Variants in PHACTR2 observed in about 807,000 individuals in gnomAD.
PHACTR2 encodes chromosome 6 open reading frame 56.
A neutral mutation model predicts 76.0 loss-of-function variants in PHACTR2; 30 were observed. The ratio of observed to expected loss-of-function variants is 0.39; its 90% CI spans 0.30 to 0.54. The LOEUF is 0.54. Ranked by LOEUF, PHACTR2 falls within the 20% of genes least tolerant of loss-of-function variation. The pLI, the probability that PHACTR2 is intolerant of heterozygous loss-of-function variation, is 0.61. For synonymous variants in PHACTR2, 292 were observed against 292.5 expected (o/e 1.00, Z 0.02); for missense variants, 696 against 781.1 (o/e 0.89, Z 1.30).
chr6:143,661,084 G>C (rs551450419), intron 1 of PHACTR2, among the ~76,000 whole-genome samples: 1 of 152,116 alleles, frequency 6.6e-6, no homozygotes, highest in South Asian at 2.1e-4. Flanking sequence ...CATAAATAAT[G>C]GAATACAAGT....
Position 143,583,195 on chromosome 6 carries a change from G to C in PHACTR2, c.217+45988G>C, listed in dbSNP as rs1440415206. ...GTGAATTCACCATGGCCACGGTAGT[G>C]ATAAAGAGCATTCCTCCACAATCCG... On this transcript the variant is annotated intron_variant, in intron 1 of 11. Transcript: ENST00000367584. The surrounding 1 kb of genome is among the most constrained non-coding windows in gnomAD (Gnocchi z 4.0). Among the ~76,000 whole-genome samples, 1 of 152,188 alleles carries C rather than the reference G, an allele frequency of 6.6e-6. No homozygotes were observed. Among genetic ancestry groups the C allele is most frequent in the Non-Finnish European group, 1.5e-5 (1 of 68,034 alleles).
chr6:143,716,727 A>G (rs998745547), intron 2 of PHACTR2, among the ~76,000 whole-genome samples: 1 of 152,184 alleles, frequency 6.6e-6, no homozygotes, highest in Non-Finnish European at 1.5e-5. Flanking sequence ...GAAACTTGCT[A>G]TATAAAGTGG....
chr6:143,678,871 C>CT lies in PHACTR2; in HGVS notation c.46+668dup, dbSNP rs1238958046. The stretch of plus-strand genomic sequence containing the variant: ...TTCTAATGCTCTGTTTTAAAAGTTT[C>CT]TTTTTTCCATTTTCTTAAACAAAAA... On this transcript the variant is annotated intron_variant, in intron 1 of 12. Coordinates refer to ENST00000440869, the MANE Select transcript of PHACTR2 (RefSeq NM_001100164.2). This position sits in a 1 kb window ranked among gnomAD's most constrained non-coding sequence, Gnocchi z 6.2. 1.3e-5 allele frequency among the ~76,000 whole-genome samples: 2 copies of CT among 150,788 alleles called. No homozygotes were observed. Among genetic ancestry groups the CT allele is most frequent in the Non-Finnish European group, 3.0e-5 (2 of 67,792 alleles).
At chr6:143,681,478 A>G (rs1777387504) in intron 1 of PHACTR2, among the ~76,000 whole-genome samples, 1 of 151,750 alleles carries the variant, frequency 6.6e-6, no homozygotes, top group Non-Finnish European at 1.5e-5. Context: ...TTCTTTGTAT[A>G]CTAGATCCAA....
Position 143,682,486 on chromosome 6 carries a change from G to T in PHACTR2, c.46+4277G>T, listed in dbSNP as rs539720273. ...CACCTGGGCCTTCCAATATTGCAGG[G>T]ATTATAGGCATGAGCCACCATGCCT... On this transcript the variant is annotated intron_variant, in intron 1 of 12. Transcript: ENST00000440869. Among the ~76,000 whole-genome samples, 140 of 152,104 alleles carry T rather than the reference G, an allele frequency of 9.2e-4. 1 individual carries two copies. The highest frequency in any genetic ancestry group is 3.1e-3 in the African/African-American group (129 of 41,484).
chr6:143,790,496 T>G (rs1237657794), intron 11 of PHACTR2, among the ~76,000 whole-genome samples: 1 of 152,140 alleles, frequency 6.6e-6, no homozygotes, highest in Admixed American at 6.5e-5. Context: ...GCTTTTACTT[T>G]GCCTTTCGTT....
chr6:143,810,396 A>G (rs939362685), intron 12 of PHACTR2, among the ~76,000 whole-genome samples: 1 of 152,214 alleles, frequency 6.6e-6, no homozygotes, highest in African/African-American at 2.4e-5. Flanking sequence ...TCCTCCAAAA[A>G]GAGCACTTAG....
At chr6:143,802,159 T>G (rs1472926233) in intron 11 of PHACTR2, among the ~76,000 whole-genome samples, 3 of 152,206 alleles carry the variant, frequency 2.0e-5, no homozygotes, top group Non-Finnish European at 4.4e-5. Flanking sequence ...ATTCTCATGA[T>G]GCCAAAATGA....
Position 143,729,658 on chromosome 6 carries a change from A to G in PHACTR2, c.214+17475A>G, listed in dbSNP as rs529373165. 9.2e-5 allele frequency among the ~76,000 whole-genome samples: 14 copies of G among 152,186 alleles called. No individual in the cohort carries two copies. The South Asian group carries it at 2.9e-3, about 32-fold the overall frequency. ...CAATAAGCATATATTGTTCTTCCACATATTCTCTTTGGTAAAAGTCTTTTG... is the reference window on the plus strand; with the variant it reads ...CAATAAGCATATATTGTTCTTCCACGTATTCTCTTTGGTAAAAGTCTTTTG... On this transcript the variant is annotated intron_variant, in intron 2 of 12. Transcript: ENST00000440869.
rs975064813 is a variant in PHACTR2 at position 143,683,081 on chromosome 6, G to A, written c.46+4872G>A. ...ATCCTTTTTGTATGTTGCTGGGTTA[G>A]GTTTACAAAAGTATTTTACTGAGAA... On this transcript the variant is annotated intron_variant, in intron 1 of 12. Coordinates refer to ENST00000440869, the MANE Select transcript of PHACTR2 (RefSeq NM_001100164.2). The surrounding 1 kb of genome is among the most constrained non-coding windows in gnomAD (Gnocchi z 4.1). Among the ~76,000 whole-genome samples, 1 of 152,060 alleles carries A rather than the reference G, an allele frequency of 6.6e-6. No individual in the cohort carries two copies. The highest frequency in any genetic ancestry group is 1.5e-5 in the Non-Finnish European group (1 of 68,022).
At chr6:143,568,525 T>C (rs1343286931) in intron 1 of PHACTR2, among the ~76,000 whole-genome samples, 2 of 152,170 alleles carry the variant, frequency 1.3e-5, no homozygotes, top group African/African-American at 4.8e-5. Flanking sequence ...AGCTGCTGGC[T>C]CAGGGTAGGG....
chr6:143,788,668 T>G (rs1582882107), intron 10 of PHACTR2, 105 bp from the exon 11 acceptor site: 13 of 703,372 alleles, frequency 1.8e-5, no homozygotes, highest in South Asian at 4.1e-5. Flanking sequence ...GATCTGAAAG[T>G]GACCTTATTT....
intron 1 of PHACTR2, among the ~76,000 whole-genome samples, chr6:143,560,149 A>G (rs1349880059): frequency 6.6e-6 from 1 of 152,196 alleles, no homozygotes; most frequent in Non-Finnish European, 1.5e-5. Flanking sequence ...CATTTTTAGT[A>G]ATAATTGTAT....
At chr6:143,716,902 A>G (rs1282980537) in intron 2 of PHACTR2, among the ~76,000 whole-genome samples, 1 of 151,050 alleles carries the variant, frequency 6.6e-6, no homozygotes, top group Non-Finnish European at 1.5e-5. Flanking sequence ...CTGGGGACAT[A>G]GGTGGGCAGA....
At chr6:143,771,529 C>T (rs575781935) in intron 6 of PHACTR2, among the ~76,000 whole-genome samples, 63 of 151,712 alleles carry the variant, frequency 4.2e-4, no homozygotes, top group South Asian at 1.5e-3. Context: ...CTCCACCTCC[C>T]GGGTTCAAGC....
At chr6:143,721,510 C>T (rs947860827) in intron 2 of PHACTR2, among the ~76,000 whole-genome samples, 1 of 152,196 alleles carries the variant, frequency 6.6e-6, no homozygotes, top group Non-Finnish European at 1.5e-5. Context: ...CTGTCTCCAG[C>T]AGCCCTGATA....
At chr6:143,771,339 A>G (rs1425645057) in intron 6 of PHACTR2, among the ~76,000 whole-genome samples, 1 of 146,578 alleles carries the variant, frequency 6.8e-6, no homozygotes, top group Non-Finnish European at 1.5e-5. Flanking sequence ...AGGCTCAAGC[A>G]ATCCTTCCCA....
rs1312390013 is a variant in PHACTR2, at chr6:143,619,131, G to A, written c.13+10809G>A. 1.3e-5 allele frequency among the ~76,000 whole-genome samples: 2 copies of A among 151,456 alleles called. No homozygotes were observed. The highest frequency in any genetic ancestry group is 2.9e-5 in the Non-Finnish European group (2 of 67,884). ...ACTGAGGAGCCCATTAGAATCACTTGTGCAATTAAAATCTTCCTGCCTGTC... is the reference window on the plus strand; with the variant it reads ...ACTGAGGAGCCCATTAGAATCACTTATGCAATTAAAATCTTCCTGCCTGTC... On this transcript the variant is annotated intron_variant, in intron 1 of 11. Coordinates refer to the PHACTR2 transcript ENST00000305766. This position sits in a 1 kb window ranked among gnomAD's most constrained non-coding sequence, Gnocchi z 4.5.
chr6:143,733,624 C>G lies in PHACTR2; in HGVS notation c.215-15361C>G, dbSNP rs1428408364. Among the ~76,000 whole-genome samples, 1 of 152,120 alleles carries G rather than the reference C, an allele frequency of 6.6e-6. No individual in the cohort carries two copies. The highest frequency in any genetic ancestry group is 2.1e-4 in the South Asian group (1 of 4,812). On this transcript the variant is annotated intron_variant, in intron 2 of 12. Coordinates refer to ENST00000440869, the MANE Select transcript of PHACTR2 (RefSeq NM_001100164.2). The surrounding 1 kb of genome is among the most constrained non-coding windows in gnomAD (Gnocchi z 4.0). Reference sequence around the variant, plus strand: ...AGAAACCCTGAAAAGCCATAACAGACTAAATGAATATTTTACCAATTTAGT... The same window carrying G: ...AGAAACCCTGAAAAGCCATAACAGAGTAAATGAATATTTTACCAATTTAGT...
Sources: gnomAD v4.1 joint callset for allele counts (sites outside exome capture counted in the v4.1 genomes callset) on GRCh38, gnomAD v4.1.1 for gene constraint, Gnocchi (gnomAD v3.1) non-coding constraint, MANE v1.5 for transcripts, NCBI Gene and HGNC (gene_info 2026-07-23, HGNC 2026-07-21) for gene names.